The following CASC3 variants were observed in gnomAD, a reference collection of about 807,000 sequenced individuals.
The protein encoded by CASC3 is protein CASC3.
Under a neutral mutation model 80.5 loss-of-function variants are expected in CASC3, and 30 were observed. The observed-to-expected ratio is 0.37, with a 90% CI of 0.28 to 0.51. CASC3 has a LOEUF of 0.51. Ranked by LOEUF, CASC3 falls within the 20% of genes least tolerant of loss-of-function variation. The probability of loss-of-function intolerance (pLI) is 0.94; values close to 1 mark genes in which losing one functional copy is unlikely to be tolerated. For missense variants in CASC3, 824 were observed against 922.2 expected (o/e 0.89, Z 1.38); for synonymous variants, 312 against 333.6 (o/e 0.94, Z 0.70).
At chr17:40,143,109 AAAAG>A (rs1988764906) in intron 3 of CASC3, among the ~76,000 whole-genome samples, 1 of 151,596 alleles carries the variant, frequency 6.6e-6, no homozygotes, top group Non-Finnish European at 1.5e-5. Flanking sequence ...ATAAATAAAT[AAAAG>A]AAAGGCTGTA....
At chr17:40,150,794 C>G in intron 3 of CASC3, among the ~76,000 whole-genome samples, 2 of 152,192 alleles carry the variant, frequency 1.3e-5, no homozygotes, top group South Asian at 4.1e-4. Flanking sequence ...AGGCAGATCA[C>G]GAGGTCAGGA....
At chr17:40,142,716 G>A (rs1393551326) in intron 3 of CASC3, among the ~76,000 whole-genome samples, 1 of 151,964 alleles carries the variant, frequency 6.6e-6, no homozygotes, top group African/African-American at 2.4e-5. Flanking sequence ...GTGAAACCCC[G>A]TCCCTACTAA....
chr17:40,159,282 A>G (rs1482477668), intron 3 of CASC3, among the ~76,000 whole-genome samples: 1 of 152,154 alleles, frequency 6.6e-6, no homozygotes, highest in Admixed American at 6.6e-5. Flanking sequence ...TTATCTATAG[A>G]CTAAAATATA....
chr17:40,171,689 T>C lies in CASC3; in HGVS notation c.*1284T>C. 3 of 1,045,892 alleles carry C rather than the reference T, an allele frequency of 2.9e-6. No homozygotes were observed. The highest frequency in any genetic ancestry group is 3.5e-6 in the Non-Finnish European group (3 of 866,060). The allele number at this position is 1,045,892 out of a possible 1,614,324, so 64.8% of individuals were successfully genotyped here. Reference sequence around the variant, plus strand: ...GCTGCCTCTGTGGAAGAGATTCCTATTACTGCAGTACATACGTCTGCCAGG... The same window carrying C: ...GCTGCCTCTGTGGAAGAGATTCCTACTACTGCAGTACATACGTCTGCCAGG... On this transcript the variant is annotated 3_prime_UTR_variant, in exon 14 of 14. Transcript: ENST00000264645.
rs569080436 is a variant in CASC3 at position 40,165,745 on chromosome 17, G to T, written c.1472-1052G>T. Among the ~76,000 whole-genome samples the T allele has an allele frequency of 7.4e-5, 11 of 149,548 alleles. No individual in the cohort carries two copies. The South Asian group carries it at 2.3e-3, about 31-fold the overall frequency. ...TTTTTGTTGTTGTTGTGTTTACATA[G>T]ATATAGTTTTTTTTTTTGTTTTTTT... On this transcript the variant is annotated intron_variant, in intron 7 of 13. Coordinates refer to ENST00000264645, the MANE Select transcript of CASC3 (RefSeq NM_007359.5).
At chr17:40,149,457 A>T (rs909551820) in intron 3 of CASC3, among the ~76,000 whole-genome samples, 1 of 152,004 alleles carries the variant, frequency 6.6e-6, no homozygotes, top group Non-Finnish European at 1.5e-5. Flanking sequence ...GGCTGAAGAG[A>T]TGGTAGTTGG....
intron 3 of CASC3, among the ~76,000 whole-genome samples, chr17:40,144,858 T>TA (rs1275730032): frequency 3.3e-4 from 48 of 147,488 alleles, no homozygotes; most frequent in African/African-American, 1.1e-3. Flanking sequence ...AAAAAAAAAT[T>TA]AAGTTTTTTT....
chr17:40,146,215 G>T (rs1259256167), intron 3 of CASC3, among the ~76,000 whole-genome samples: 2 of 152,158 alleles, frequency 1.3e-5, no homozygotes, highest in African/African-American at 4.8e-5. Context: ...GCATGGAATA[G>T]AGTGGTGATA....
chr17:40,145,781 G>C (rs982972203), intron 3 of CASC3, among the ~76,000 whole-genome samples: 1 of 151,714 alleles, frequency 6.6e-6, no homozygotes, highest in Non-Finnish European at 1.5e-5. Context: ...TTTATTTACT[G>C]TTTTTTGTTT....
intron 3 of CASC3, among the ~76,000 whole-genome samples, chr17:40,161,462 C>T (rs1330468191): frequency 6.6e-6 from 1 of 152,084 alleles, no homozygotes; most frequent in Admixed American, 6.5e-5. Flanking sequence ...AGGCAGATCA[C>T]GAAATCAGGA....
intron 2 of CASC3, 132 bp from the exon 3 acceptor site, chr17:40,141,438 G>T (rs1267145722): frequency 2.3e-6 from 2 of 869,044 alleles, no homozygotes; most frequent in Non-Finnish European, 3.8e-6. Context: ...CCTTTTGTAA[G>T]TGGGGACTAT....
intron 11 of CASC3, 128 bp from the exon 12 acceptor site, chr17:40,169,195 TG>T: frequency 1.1e-6 from 1 of 946,678 alleles, no homozygotes; most frequent in Non-Finnish European, 1.5e-6. Context: ...TTTTGAAGGG[TG>T]GGCAGATTAG....
rs373170848 is a variant in CASC3 at position 40,165,075 on chromosome 17, C to T, written c.1471+909C>T. 6.6e-5 allele frequency among the ~76,000 whole-genome samples: 10 copies of T among 151,640 alleles called. No homozygotes were observed. In the East Asian group the frequency reaches 1.6e-3, roughly 24 times the overall value. On this transcript the variant is annotated intron_variant, in intron 7 of 13. Transcript: ENST00000264645. ...AGCTGGGACTACAGGCGCCCACCACCGCGACTGGCTAGTTTTTTTTTTTGT... is the reference window on the plus strand; with the variant it reads ...AGCTGGGACTACAGGCGCCCACCACTGCGACTGGCTAGTTTTTTTTTTTGT...
At chr17:40,158,909 G>T (rs1014661301) in intron 3 of CASC3, among the ~76,000 whole-genome samples, 1 of 152,082 alleles carries the variant, frequency 6.6e-6, no homozygotes, top group Non-Finnish European at 1.5e-5. Context: ...TTGAGGATAA[G>T]TGCATTGGGA....
intron 5 of CASC3, 91 bp downstream of exon 5, chr17:40,162,244 C>A (rs1490868947): frequency 7.0e-6 from 9 of 1,279,846 alleles, no homozygotes; most frequent in Non-Finnish European, 9.7e-6. Flanking sequence ...TTTATTACAG[C>A]ATTTTAAGAT....
At chr17:40,145,052 G>A (rs534082942) in intron 3 of CASC3, among the ~76,000 whole-genome samples, 1 of 151,330 alleles carries the variant, frequency 6.6e-6, no homozygotes. Flanking sequence ...GTAGAGATGG[G>A]GTTTCACCAT....
intron 3 of CASC3, among the ~76,000 whole-genome samples, chr17:40,147,991 A>G (rs938760041): frequency 2.0e-5 from 3 of 152,160 alleles, no homozygotes; most frequent in African/African-American, 7.2e-5. Context: ...TCTTTCTGGC[A>G]TGCTTTCATT....
At chr17:40,166,939 G>C in intron 8 of CASC3, 78 bp downstream of exon 8, 2 of 1,042,772 alleles carry the variant, frequency 1.9e-6, no homozygotes, top group Non-Finnish European at 2.8e-6. Flanking sequence ...CCAAGATAAG[G>C]TCTTTTTTTT....
In CASC3 at chr17:40,162,761, G is replaced by C. The variant is rs776443440; in HGVS notation, c.645G>C (p.Glu215Asp). The change falls in exon 6 of 14, where the codon GAG becomes GAC. Residue 215 changes from glutamate to aspartate, a missense_variant. By Grantham distance (45) the Glu-to-Asp change is conservative. Around this residue, in one of 3 missense-constraint regions of CASC3, gnomAD observed 201 missense variants for 294.1 expected, o/e 0.68. Transcript: ENST00000264645. ...KGRQRKLWKD[E>D]GRWEHDKFRE... The stretch of plus-strand genomic sequence containing the variant: ...GTCAGCGAAAGCTATGGAAGGATGA[G>C]GGTCGCTGGGAGCATGACAAGTTCC... The C allele has an allele frequency of 6.2e-6, 10 of 1,614,018 alleles. No homozygotes were observed. Among genetic ancestry groups the C allele is most frequent in the Non-Finnish European group, 8.5e-6 (10 of 1,180,008 alleles).
Sources: allele counts gnomAD v4.1 joint callset (sites outside exome capture counted in the v4.1 genomes callset), GRCh38; gene constraint gnomAD v4.1.1; regional missense constraint gnomAD v4.1.1; transcripts MANE v1.5; gene names NCBI Gene and HGNC (gene_info 2026-07-23, HGNC 2026-07-21).